Variants in CABCOCO1 observed in about 807,000 individuals in gnomAD.
CABCOCO1 encodes ciliary-associated calcium-binding coiled-coil protein 1.
A neutral mutation model predicts 35.7 loss-of-function variants in CABCOCO1; 28 were observed. The observed-to-expected ratio is 0.78, with a 90% CI of 0.58 to 1.07. The LOEUF is 1.07. CABCOCO1 is among the 50% of genes least tolerant of loss of function. CABCOCO1 has a pLI of 0.00. For synonymous variants in CABCOCO1, 95 were observed against 100.1 expected, an observed-to-expected ratio of 0.95 and a Z score of 0.30; for missense variants, 326 against 309.2, an observed-to-expected ratio of 1.05 and a Z score of -0.41.
rs767414910 is a variant in CABCOCO1 at position 61,720,685 on chromosome 10, G to T, written c.552+30064G>T. On this transcript the variant is annotated intron_variant, in intron 5 of 7. Transcript: ENST00000648843. ...ATTCTTGAAAGAAACACTACATCAT[G>T]TGGTGGGGGGGCAGGTAATGAGGAC... Among the ~76,000 whole-genome samples the T allele has an allele frequency of 2.8e-5, 3 of 106,108 alleles. No homozygotes were observed. The Admixed American group carries it at 3.7e-4, about 13-fold the overall frequency. The allele number at this position is 106,108 out of a possible 152,430, so 69.6% of individuals were successfully genotyped here. A position where few individuals can be genotyped will look rare whatever the true frequency, so the allele number is the denominator to read the frequency against.
At chr10:61,735,539 G>A (rs569826249) in intron 5 of CABCOCO1, among the ~76,000 whole-genome samples, 2 of 152,076 alleles carry the variant, frequency 1.3e-5, no homozygotes, top group Non-Finnish European at 2.9e-5. Flanking sequence ...TGAAAAAGAC[G>A]AGGGCCTTGC....
At chr10:61,663,880 G>GT (rs11408778) in intron 1 of CABCOCO1, among the ~76,000 whole-genome samples, 1,759 of 152,088 alleles carry the variant, frequency 0.012, 27 homozygotes, top group African/African-American at 0.04. Context: ...TTCCTAGGAA[G>GT]TTTTTTTTCC....
In CABCOCO1 at chr10:61,735,641, C is replaced by A. The variant is rs189607322; in HGVS notation, c.553-24418C>A. ...ATGTTTTTGTTTTAATCCTAAATTA[C>A]ATTTCCCTCTGTATTTCTTCTGTCA... On this transcript the variant is annotated intron_variant, in intron 5 of 7. Transcript: ENST00000648843. 1.1e-3 allele frequency among the ~76,000 whole-genome samples: 167 copies of A among 152,270 alleles called. 4 individuals carry two copies. The East Asian group carries it at 0.031, about 28-fold the overall frequency.
intron 1 of CABCOCO1, among the ~76,000 whole-genome samples, chr10:61,672,234 T>A (rs1395929995): frequency 2.6e-5 from 4 of 152,180 alleles, no homozygotes; most frequent in Non-Finnish European, 1.5e-5. Flanking sequence ...GTATTATGGC[T>A]TACTTGTGTT....
At chr10:61,750,533 G>C (rs1841758765) in intron 5 of CABCOCO1, among the ~76,000 whole-genome samples, 2 of 152,160 alleles carry the variant, frequency 1.3e-5, no homozygotes, top group Non-Finnish European at 2.9e-5. Flanking sequence ...CCGAGATCGT[G>C]CCACTGGACT....
At chr10:61,763,656 T>C (rs1473892110) in intron 7 of CABCOCO1, among the ~76,000 whole-genome samples, 1 of 151,908 alleles carries the variant, frequency 6.6e-6, no homozygotes, top group African/African-American at 2.4e-5. Context: ...ATATAAAAAC[T>C]TTGAGGGAAG....
intron 5 of CABCOCO1, among the ~76,000 whole-genome samples, chr10:61,741,980 T>C (rs1841558201): frequency 6.6e-6 from 1 of 152,198 alleles, no homozygotes; most frequent in Non-Finnish European, 1.5e-5. Context: ...ACATGGTTCT[T>C]ACCAAATGTG....
intron 2 of CABCOCO1, among the ~76,000 whole-genome samples, chr10:61,679,280 C>CT (rs569626259): frequency 8.7e-4 from 114 of 130,406 alleles, no homozygotes; most frequent in African/African-American, 2.9e-3. Flanking sequence ...TTAGAATGAG[C>CT]TTATATCTAT....
At chr10:61,720,970 G>T (rs1485773567) in intron 5 of CABCOCO1, among the ~76,000 whole-genome samples, 5 of 119,006 alleles carry the variant, frequency 4.2e-5, no homozygotes, top group African/African-American at 1.2e-4. Flanking sequence ...CGTCGCCCAG[G>T]CTGGAGTGCG....
At chr10:61,689,159 GAAGCC>G (rs1366409280) in intron 4 of CABCOCO1, among the ~76,000 whole-genome samples, 21 of 152,152 alleles carry the variant, frequency 1.4e-4, no homozygotes, top group African/African-American at 4.6e-4. Flanking sequence ...TCACTGAGAG[GAAGCC>G]AAGCTGTTTC....
chr10:61,765,049 C>T lies in CABCOCO1; in HGVS notation c.817-890C>T, dbSNP rs192050349. 3.1e-4 allele frequency among the ~76,000 whole-genome samples: 47 copies of T among 152,106 alleles called. No individual in the cohort carries two copies. The East Asian group carries it at 8.1e-3, about 26-fold the overall frequency. On this transcript the variant is annotated intron_variant, in intron 7 of 7. Coordinates refer to ENST00000648843, the MANE Select transcript of CABCOCO1 (RefSeq NM_001366906.2). ...TGCAAAGTACAGTTACCCTGAAGCCCTCAAATAATGTTATAGCTATTAGAA... is the reference window on the plus strand; with the variant it reads ...TGCAAAGTACAGTTACCCTGAAGCCTTCAAATAATGTTATAGCTATTAGAA...
chr10:61,752,073 A>G (rs1216900865), intron 5 of CABCOCO1, among the ~76,000 whole-genome samples: 2 of 152,222 alleles, frequency 1.3e-5, no homozygotes, highest in Admixed American at 1.3e-4. Flanking sequence ...CTAAGATTTC[A>G]GATTTCAAGA....
At chr10:61,754,460 CA>C (rs1841855864) in intron 5 of CABCOCO1, among the ~76,000 whole-genome samples, 1 of 152,018 alleles carries the variant, frequency 6.6e-6, no homozygotes. Context: ...TGTCTGAGGT[CA>C]TTAAAATAGG....
intron 5 of CABCOCO1, among the ~76,000 whole-genome samples, chr10:61,716,054 T>A (rs1840856984): frequency 6.6e-6 from 1 of 152,120 alleles, no homozygotes; most frequent in Non-Finnish European, 1.5e-5. Context: ...ATTATAATAT[T>A]TTAAAATATT....
intron 5 of CABCOCO1, among the ~76,000 whole-genome samples, chr10:61,718,010 G>A (rs1025750521): frequency 2.6e-5 from 4 of 152,146 alleles, no homozygotes; most frequent in African/African-American, 9.7e-5. Context: ...ATTATGACAA[G>A]CTCTGAATGG....
At chr10:61,765,857 T>C in intron 7 of CABCOCO1, 82 bp from the exon 8 acceptor site, 8 of 1,291,314 alleles carry the variant, frequency 6.2e-6, no homozygotes, top group Non-Finnish European at 8.9e-6. Context: ...CTTTAGGCAC[T>C]ATAGTATGTC....
chr10:61,688,335 T>A (rs774354512), intron 4 of CABCOCO1, among the ~76,000 whole-genome samples: 77 of 152,160 alleles, frequency 5.1e-4, no homozygotes, highest in Non-Finnish European at 1.0e-3. Flanking sequence ...GGGAGAGCAG[T>A]TTTTAGAACA....
chr10:61,665,282 T>C (rs930264064), intron 1 of CABCOCO1, among the ~76,000 whole-genome samples: 1 of 152,194 alleles, frequency 6.6e-6, no homozygotes, highest in Non-Finnish European at 1.5e-5. Flanking sequence ...CAAGCAGATA[T>C]GAGATGCAGA....
chr10:61,751,021 G>A (rs10821922), intron 5 of CABCOCO1, among the ~76,000 whole-genome samples: 24,982 of 151,948 alleles, frequency 0.16, 2,571 homozygotes, highest in East Asian at 0.55. Context: ...GATACTCTGC[G>A]AGCACAAGGG....
Sources: gnomAD v4.1 joint callset for allele counts (sites outside exome capture counted in the v4.1 genomes callset) on GRCh38, gnomAD v4.1.1 for gene constraint, MANE v1.5 for transcripts, NCBI Gene and HGNC (gene_info 2026-07-23, HGNC 2026-07-21) for gene names.